NOS1AP: variants seen among roughly 807,000 people sequenced by gnomAD.
NOS1AP encodes the protein carboxyl-terminal PDZ ligand of neuronal nitric oxide synthase protein.
In NOS1AP, 21 loss-of-function variants were observed where a neutral mutation model predicts 56.2. The observed-to-expected ratio is 0.37, with a 90% confidence interval of 0.26 to 0.54. The LOEUF (loss-of-function observed/expected upper bound fraction) is 0.54. NOS1AP is among the 20% of genes least tolerant of loss of function. The pLI is 0.84. For missense variants in NOS1AP, 522 were observed against 657.8 expected (o/e 0.79, Z 2.26); for synonymous variants, 270 against 274.6 (o/e 0.98, Z 0.17).
intron 2 of NOS1AP, among the ~76,000 whole-genome samples, chr1:162,167,485 G>A (rs556321256): frequency 6.6e-6 from 1 of 152,322 alleles, no homozygotes; most frequent in African/African-American, 2.4e-5. Flanking sequence ...CTGGACCGGG[G>A]AGTCCCCGGT....
At chr1:162,085,594 A>G (rs1173074804) in intron 1 of NOS1AP, among the ~76,000 whole-genome samples, 1 of 152,094 alleles carries the variant, frequency 6.6e-6, no homozygotes, top group Non-Finnish European at 1.5e-5. Flanking sequence ...TTCTTTCTTC[A>G]TATAGCCCTT....
intron 1 of NOS1AP, among the ~76,000 whole-genome samples, chr1:162,094,895 ACTC>A (rs937759648): frequency 6.6e-6 from 1 of 152,052 alleles, no homozygotes; most frequent in African/African-American, 2.4e-5. Flanking sequence ...GTCATCTTCT[ACTC>A]CTTACAGTGC....
chr1:162,149,491 T>C (rs1325532677), intron 1 of NOS1AP, among the ~76,000 whole-genome samples: 1 of 152,260 alleles, frequency 6.6e-6, no homozygotes, highest in Non-Finnish European at 1.5e-5. Flanking sequence ...AAGTTAGTTG[T>C]GGAGGTGGTA....
intron 1 of NOS1AP, among the ~76,000 whole-genome samples, chr1:162,140,800 C>T (rs768765713): frequency 3.9e-5 from 6 of 152,080 alleles, no homozygotes; most frequent in South Asian, 2.1e-4. Context: ...ACAACCTGAC[C>T]GACATCCGTA....
chr1:162,182,008 T>G (rs1651280417), intron 2 of NOS1AP, among the ~76,000 whole-genome samples: 1 of 152,224 alleles, frequency 6.6e-6, no homozygotes, highest in Non-Finnish European at 1.5e-5. Flanking sequence ...TTCACAGTGC[T>G]TCTATTTACA....
chr1:162,367,495 C>T lies in NOS1AP; in HGVS notation c.*28C>T, dbSNP rs777305853. On this transcript the variant is annotated 3_prime_UTR_variant, in exon 10 of 10. Transcript: ENST00000361897. The surrounding 1 kb of genome is among the most constrained non-coding windows in gnomAD (Gnocchi z 6.5). ...GCCGAGGGCGAGGAGATGGAGGCGG[C>T]GGCGTGGCTGGAGGGGCCGTGTCTG... 6.6e-6 allele frequency: 10 copies of T among 1,526,468 alleles called. No homozygotes were observed. The East Asian group carries it at 9.8e-5, about 15-fold the overall frequency. The allele number at this position is 1,526,468 out of a possible 1,614,324, so 94.6% of individuals were successfully genotyped here.
intron 1 of NOS1AP, among the ~76,000 whole-genome samples, chr1:162,120,159 C>A (rs1204939146): frequency 6.6e-6 from 1 of 151,628 alleles, no homozygotes; most frequent in African/African-American, 2.4e-5. Flanking sequence ...ATGTATATAT[C>A]AAAATATACC....
At chr1:162,175,260 TC>T (rs1182279734) in intron 2 of NOS1AP, among the ~76,000 whole-genome samples, 1 of 152,230 alleles carries the variant, frequency 6.6e-6, no homozygotes, top group Non-Finnish European at 1.5e-5. Context: ...AACAGTTATG[TC>T]AAGTATTTGG....
At chr1:162,277,405 TTCA>T (rs1654776891) in intron 2 of NOS1AP, among the ~76,000 whole-genome samples, 1 of 152,230 alleles carries the variant, frequency 6.6e-6, no homozygotes, top group Admixed American at 6.5e-5. Context: ...AATTACCTTC[TTCA>T]TCATACCTTT....
intron 5 of NOS1AP, among the ~76,000 whole-genome samples, chr1:162,343,095 A>C (rs192317298): frequency 7.0e-4 from 107 of 152,302 alleles, no homozygotes; most frequent in Non-Finnish European, 1.0e-3. Context: ...CACAGCCTGC[A>C]TGGGTGGCCT....
intron 3 of NOS1AP, among the ~76,000 whole-genome samples, chr1:162,289,367 G>A (rs1052037613): frequency 6.6e-6 from 1 of 150,874 alleles, no homozygotes; most frequent in Non-Finnish European, 1.5e-5. Flanking sequence ...ATGCAATCTT[G>A]GCTCACTGCA....
intron 1 of NOS1AP, among the ~76,000 whole-genome samples, chr1:162,116,397 C>T (rs1647953770): frequency 6.6e-6 from 1 of 152,214 alleles, no homozygotes; most frequent in Admixed American, 6.5e-5. Flanking sequence ...CTCCATCCCC[C>T]AGATGGTGAC....
At chr1:162,181,703 A>G (rs1027199064) in intron 2 of NOS1AP, among the ~76,000 whole-genome samples, 5 of 152,184 alleles carry the variant, frequency 3.3e-5, no homozygotes, top group Admixed American at 2.6e-4. Flanking sequence ...GCCAGGAATG[A>G]GGGGATTGAT....
At chr1:162,244,682 C>T (rs765369449) in intron 2 of NOS1AP, among the ~76,000 whole-genome samples, 1 of 152,094 alleles carries the variant, frequency 6.6e-6, no homozygotes, top group African/African-American at 2.4e-5. Flanking sequence ...GATAATTCTT[C>T]GTTGTGGGGG....
At chr1:162,186,641 G>A (rs1651442468) in intron 2 of NOS1AP, among the ~76,000 whole-genome samples, 1 of 152,168 alleles carries the variant, frequency 6.6e-6, no homozygotes, top group African/African-American at 2.4e-5. Context: ...TAGAAGAAGT[G>A]AAAGAGAGTC....
At chr1:162,088,920 C>T (rs1340067832) in intron 1 of NOS1AP, among the ~76,000 whole-genome samples, 2 of 152,062 alleles carry the variant, frequency 1.3e-5, no homozygotes, top group South Asian at 2.1e-4. Context: ...ATCTGGAGAC[C>T]GATACCTCTT....
chr1:162,145,772 G>A (rs527662627), intron 1 of NOS1AP, among the ~76,000 whole-genome samples: 1 of 152,290 alleles, frequency 6.6e-6, no homozygotes, highest in African/African-American at 2.4e-5. Context: ...GGCACGACCA[G>A]GGTATCAGAT....
chr1:162,249,771 T>C (rs549183519), intron 2 of NOS1AP, among the ~76,000 whole-genome samples: 1 of 152,312 alleles, frequency 6.6e-6, no homozygotes, highest in East Asian at 1.9e-4. Context: ...AAACAAGTGC[T>C]AATCAGATAA....
At chr1:162,080,822 C>T (rs376422519) in intron 1 of NOS1AP, among the ~76,000 whole-genome samples, 5 of 152,152 alleles carry the variant, frequency 3.3e-5, no homozygotes, top group Non-Finnish European at 4.4e-5. Flanking sequence ...ATTTAGAAAG[C>T]GCTTACTGTG....
Sources: gnomAD v4.1 joint callset for allele counts (sites outside exome capture counted in the v4.1 genomes callset) on GRCh38, gnomAD v4.1.1 for gene constraint, Gnocchi (gnomAD v3.1) non-coding constraint, MANE v1.5 for transcripts, NCBI Gene and HGNC (gene_info 2026-07-23, HGNC 2026-07-21) for gene names.